Variants in RBFOX1 observed in about 807,000 individuals in gnomAD.
RBFOX1 encodes RNA binding protein fox-1 homolog 1.
Under a neutral mutation model 57.7 loss-of-function variants are expected in RBFOX1, and 8 were observed. The observed-to-expected ratio is 0.14, with a 90% CI of 0.08 to 0.25. The LOEUF (loss-of-function observed/expected upper bound fraction) is 0.25. Ranked by LOEUF, RBFOX1 falls within the 10% of genes least tolerant of loss-of-function variation. The pLI, the probability that RBFOX1 is intolerant of heterozygous loss-of-function variation, is 1.00. For missense variants in RBFOX1, 611 were observed against 548.5 expected (o/e 1.11, Z -1.14); for synonymous variants, 326 against 222.4 (o/e 1.47, Z -4.15).
intron 2 of RBFOX1, among the ~76,000 whole-genome samples, chr16:5,582,720 C>G (rs1407697443): frequency 6.6e-6 from 1 of 151,996 alleles, no homozygotes; most frequent in Non-Finnish European, 1.5e-5. Flanking sequence ...CCACGCTCGG[C>G]TAATCAAAGC....
intron 2 of RBFOX1, among the ~76,000 whole-genome samples, chr16:6,399,539 T>C (rs2092983226): frequency 6.6e-6 from 1 of 152,188 alleles, no homozygotes; most frequent in Non-Finnish European, 1.5e-5. Flanking sequence ...TCATTGTCCA[T>C]TTCACCATCA....
chr16:6,168,915 G>C (rs1170742217), intron 1 of RBFOX1, among the ~76,000 whole-genome samples: 1 of 152,034 alleles, frequency 6.6e-6, no homozygotes, highest in Non-Finnish European at 1.5e-5. Context: ...CATCCCAGCA[G>C]GGAGTCAGGA....
intron 2 of RBFOX1, among the ~76,000 whole-genome samples, chr16:5,495,310 C>G (rs192004435): frequency 2.0e-4 from 31 of 152,366 alleles, no homozygotes; most frequent in African/African-American, 7.5e-4. Flanking sequence ...TGCAGCGATT[C>G]TCGAATCTTG....
chr16:6,717,520 C>T (rs914592467), intron 3 of RBFOX1, among the ~76,000 whole-genome samples: 1 of 151,686 alleles, frequency 6.6e-6, no homozygotes, highest in Non-Finnish European at 1.5e-5. Flanking sequence ...GATTTAACAA[C>T]CAAAAATTGT....
intron 1 of RBFOX1, among the ~76,000 whole-genome samples, chr16:6,209,126 A>G (rs1238488936): frequency 6.6e-6 from 1 of 152,196 alleles, no homozygotes; most frequent in Non-Finnish European, 1.5e-5. Flanking sequence ...CTGTGACAGG[A>G]GAAGTCTCAG....
Position 7,550,625 on chromosome 16 carries a change from C to G in RBFOX1, c.271-29152C>G, listed in dbSNP as rs1318601713. On this transcript the variant is annotated intron_variant, in intron 5 of 15. Coordinates refer to ENST00000550418, the MANE Select transcript of RBFOX1 (RefSeq NM_018723.4). ...AAGGATTCTCATTTTTAATTCGGAC[C>G]TCATTGAAATAGGAAGCCTTAGAAA... 2.6e-5 allele frequency among the ~76,000 whole-genome samples: 4 copies of G among 152,064 alleles called. No homozygotes were observed. In the South Asian group the frequency reaches 6.2e-4, roughly 24 times the overall value.
At chr16:7,550,113 A>G (rs184999790) in intron 5 of RBFOX1, among the ~76,000 whole-genome samples, 13 of 151,898 alleles carry the variant, frequency 8.6e-5, no homozygotes, top group Non-Finnish European at 8.8e-5. Flanking sequence ...AATTTTTTAT[A>G]GAGATGGAGG....
chr16:5,694,193 G>A (rs542508022), intron 3 of RBFOX1, among the ~76,000 whole-genome samples: 1 of 152,294 alleles, frequency 6.6e-6, no homozygotes, highest in African/African-American at 2.4e-5. Flanking sequence ...ATTTTTCACA[G>A]CCTAACTGGG....
At chr16:7,709,409 T>TAAATCCATC (rs2083529252) in intron 15 of RBFOX1, 15 of 1,294,458 alleles carry the variant, frequency 1.2e-5, no homozygotes, top group Non-Finnish European at 1.4e-5. Context: ...TTTTGATAAT[T>TAAATCCATC]AAATCCATCA....
At chr16:7,087,516 G>GA (rs1452658336) in intron 4 of RBFOX1, among the ~76,000 whole-genome samples, 1 of 140,452 alleles carries the variant, frequency 7.1e-6, no homozygotes, top group Non-Finnish European at 1.5e-5. Context: ...AGGCTTGACA[G>GA]AAAAGAGAAG....
chr16:7,309,902 G>A (rs1057307934), intron 4 of RBFOX1, among the ~76,000 whole-genome samples: 13 of 152,138 alleles, frequency 8.5e-5, no homozygotes, highest in African/African-American at 3.1e-4. Context: ...TTTAATGGAC[G>A]GGGAGAAGTG....
At chr16:6,178,665 G>A (rs1226725363) in intron 1 of RBFOX1, among the ~76,000 whole-genome samples, 3 of 152,134 alleles carry the variant, frequency 2.0e-5, no homozygotes, top group Non-Finnish European at 4.4e-5. Flanking sequence ...GAATCTTTGA[G>A]CCCGGATGAT....
chr16:6,810,924 A>G (rs1489589937), intron 3 of RBFOX1, among the ~76,000 whole-genome samples: 4 of 152,198 alleles, frequency 2.6e-5, no homozygotes, highest in Non-Finnish European at 4.4e-5. Flanking sequence ...GCCAAATCAT[A>G]TCAAGGTTCG....
intron 4 of RBFOX1, among the ~76,000 whole-genome samples, chr16:5,955,385 A>G (rs76547283): frequency 0.069 from 4,240 of 61,362 alleles, 230 homozygotes; most frequent in South Asian, 0.096. Context: ...ATAAAATAAA[A>G]TAAAATAAAA....
chr16:6,580,427 G>C (rs1412862336), intron 2 of RBFOX1, among the ~76,000 whole-genome samples: 1 of 152,170 alleles, frequency 6.6e-6, no homozygotes, highest in Non-Finnish European at 1.5e-5. Context: ...TGAAGAGCTA[G>C]TTGATCATTA....
At chr16:7,387,070 G>A (rs1211985575) in intron 4 of RBFOX1, among the ~76,000 whole-genome samples, 1 of 151,998 alleles carries the variant, frequency 6.6e-6, no homozygotes, top group Non-Finnish European at 1.5e-5. Context: ...CTTTTTGATG[G>A]GGTTGTTTTT....
intron 1 of RBFOX1, among the ~76,000 whole-genome samples, chr16:5,441,697 T>C (rs1418836557): frequency 2.0e-5 from 3 of 152,118 alleles, no homozygotes; most frequent in African/African-American, 7.2e-5. Context: ...CAGTTCAGCA[T>C]GGCTGGGGAG....
intron 3 of RBFOX1, among the ~76,000 whole-genome samples, chr16:5,713,754 T>C (rs534232931): frequency 6.6e-6 from 1 of 152,314 alleles, no homozygotes; most frequent in South Asian, 2.1e-4. Flanking sequence ...TCATGCAAAC[T>C]GCCCCCCTCC....
intron 3 of RBFOX1, among the ~76,000 whole-genome samples, chr16:6,917,304 G>T (rs966766030): frequency 6.6e-6 from 1 of 152,218 alleles, no homozygotes; most frequent in East Asian, 1.9e-4. Context: ...ACACTGAACA[G>T]AGGATGTCAC....
Sources: gnomAD v4.1 joint callset for allele counts (sites outside exome capture counted in the v4.1 genomes callset) on GRCh38, gnomAD v4.1.1 for gene constraint, MANE v1.5 for transcripts, NCBI Gene and HGNC (gene_info 2026-07-23, HGNC 2026-07-21) for gene names.